EHMT1: variants seen among roughly 807,000 people sequenced by gnomAD.
EHMT1 encodes the protein histone-lysine N-methyltransferase EHMT1.
In EHMT1, 15 loss-of-function variants were observed where a neutral mutation model predicts 147.2. The observed-to-expected ratio is 0.10, with a 90% CI of 0.07 to 0.16. The LOEUF (loss-of-function observed/expected upper bound fraction) is 0.16, where lower values mean the gene tolerates loss of function less well. Among genes scored for constraint, EHMT1 ranks in the 10% least tolerant of loss-of-function variants. The pLI is 1.00. For synonymous variants in EHMT1, 795 were observed against 709.6 expected (o/e 1.12, Z -1.91); for missense variants, 1,587 against 1,772.4 (o/e 0.90, Z 1.88).
intron 1 of EHMT1, among the ~76,000 whole-genome samples, chr9:137,646,741 G>A (rs1036778755): frequency 6.6e-6 from 1 of 152,228 alleles, no homozygotes; most frequent in Non-Finnish European, 1.5e-5. Flanking sequence ...ATCTTGTAAC[G>A]TTGGATGTCT....
intron 23 of EHMT1, 188 bp from the exon 24 acceptor site, chr9:137,817,251 C>T (rs1954991621): frequency 2.9e-6 from 2 of 680,942 alleles, no homozygotes; most frequent in East Asian, 2.8e-5. Flanking sequence ...CTGGCTGATC[C>T]CCGGGTTCTT....
intron 22 of EHMT1, 40 bp from the exon 23 acceptor site, chr9:137,815,907 A>C (rs1208308103): frequency 6.6e-7 from 1 of 1,505,128 alleles, no homozygotes; most frequent in Non-Finnish European, 9.1e-7. Context: ...TTAAAGAGTG[A>C]GTAACCTCTG....
intron 1 of EHMT1, among the ~76,000 whole-genome samples, chr9:137,668,793 T>G (rs1268010121): frequency 1.3e-5 from 2 of 152,174 alleles, no homozygotes; most frequent in South Asian, 2.1e-4. Flanking sequence ...CGAGTTTTTG[T>G]GTGGACCTGG....
chr9:137,646,892 G>A (rs1305740084), intron 1 of EHMT1, among the ~76,000 whole-genome samples: 3 of 151,948 alleles, frequency 2.0e-5, no homozygotes, highest in Non-Finnish European at 4.4e-5. Context: ...CAGTCCCCAC[G>A]TGGCTGAGCC....
At chr9:137,817,865 G>C (rs2132803774) in intron 24 of EHMT1, 195 bp from the exon 25 acceptor site, 1 of 649,166 alleles carries the variant, frequency 1.5e-6, no homozygotes, top group South Asian at 1.8e-5. Context: ...AGAGCTTTCG[G>C]TATCGTTATC....
At chr9:137,635,549 G>C (rs62590244) in intron 1 of EHMT1, among the ~76,000 whole-genome samples, 220 of 150,928 alleles carry the variant, frequency 1.5e-3, no homozygotes, top group Non-Finnish European at 2.6e-3. Context: ...AGCTGGGCGC[G>C]GTGGCTCACG....
At chr9:137,672,277 ATTG>A (rs950662479) in intron 1 of EHMT1, among the ~76,000 whole-genome samples, 8 of 152,188 alleles carry the variant, frequency 5.3e-5, no homozygotes, top group African/African-American at 1.9e-4. Flanking sequence ...TAGTAGGTTT[ATTG>A]TTATTTGTAC....
At chr9:137,677,257 C>T (rs1249624660) in intron 1 of EHMT1, among the ~76,000 whole-genome samples, 1 of 152,052 alleles carries the variant, frequency 6.6e-6, no homozygotes, top group Admixed American at 6.5e-5. Flanking sequence ...TCTCAGTCTC[C>T]CAAGTAGCTG....
intron 2 of EHMT1, among the ~76,000 whole-genome samples, chr9:137,711,397 G>A (rs903219301): frequency 5.3e-5 from 8 of 152,310 alleles, no homozygotes; most frequent in East Asian, 1.9e-4. Flanking sequence ...TAAACAGATC[G>A]TGGTACATCC....
At chr9:137,713,263 A>ATTTTTTT (rs59459382) in intron 2 of EHMT1, among the ~76,000 whole-genome samples, 7 of 102,352 alleles carry the variant, frequency 6.8e-5, no homozygotes, top group Non-Finnish European at 1.0e-4. Flanking sequence ...CACCATGCTA[A>ATTTTTTT]TTTTTTTTTT....
At chr9:137,833,649 C>T (rs1956379271) in intron 25 of EHMT1, among the ~76,000 whole-genome samples, 1 of 152,256 alleles carries the variant, frequency 6.6e-6, no homozygotes, top group Non-Finnish European at 1.5e-5. Context: ...AATCCATCAT[C>T]ACAGGCCAGT....
chr9:137,745,218 C>T (rs539982523), intron 6 of EHMT1, among the ~76,000 whole-genome samples: 2 of 152,252 alleles, frequency 1.3e-5, no homozygotes, highest in Admixed American at 1.3e-4. Context: ...TGTGCTATGG[C>T]GTATCCCTGA....
At chr9:137,634,132 G>A (rs1453505315) in intron 1 of EHMT1, among the ~76,000 whole-genome samples, 3 of 152,086 alleles carry the variant, frequency 2.0e-5, no homozygotes. Context: ...TTTTCTTGAT[G>A]CCTTCCTTTG....
At chr9:137,666,799 C>T (rs1042247716) in intron 1 of EHMT1, among the ~76,000 whole-genome samples, 5 of 152,206 alleles carry the variant, frequency 3.3e-5, no homozygotes, top group Non-Finnish European at 5.9e-5. Flanking sequence ...AGAGTCTCCA[C>T]TTGGATTTTC....
intron 1 of EHMT1, among the ~76,000 whole-genome samples, chr9:137,656,966 CT>C (rs758096777): frequency 6.6e-6 from 1 of 152,118 alleles, no homozygotes; most frequent in Non-Finnish European, 1.5e-5. Context: ...GTCTTGAACT[CT>C]TGGCCTTAAG....
intron 15 of EHMT1, chr9:137,784,392 T>C: frequency 8.0e-7 from 1 of 1,245,134 alleles, no homozygotes; most frequent in Non-Finnish European, 1.0e-6. Context: ...ATTCAGACCA[T>C]AGTGCCAGCC....
intron 25 of EHMT1, among the ~76,000 whole-genome samples, chr9:137,830,499 C>A (rs184657072): frequency 1.3e-5 from 2 of 152,268 alleles, no homozygotes; most frequent in East Asian, 1.9e-4. Flanking sequence ...TTTTATCCAA[C>A]TTCTTTGATT....
At position 137,684,712 on chromosome 9, in the gene EHMT1, C is replaced by T. The variant is rs187134672; in HGVS notation, c.22-26255C>T. Among the ~76,000 whole-genome samples, 7 of 152,168 alleles carry T rather than the reference C, an allele frequency of 4.6e-5. No individual in the cohort carries two copies. The East Asian group carries it at 5.8e-4, about 13-fold the overall frequency. ...TTTACCACTTTGCCCAGGCTGCTCT[C>T]GAACTCCTGAGCTCAGGCGATCTCC... is the stretch of plus-strand genomic sequence containing the variant. On this transcript the variant is annotated intron_variant, in intron 1 of 26. Coordinates refer to ENST00000460843, the MANE Select transcript of EHMT1 (RefSeq NM_024757.5).
rs138480352 is a variant in EHMT1 at position 137,623,006 on chromosome 9, C to T, written c.21+3957C>T. The stretch of plus-strand genomic sequence containing the variant: ...TGGGTGGATCACGAGGTCAGGAGAT[C>T]GAGACCATCCTGGCTAACACACAGT... On this transcript the variant is annotated intron_variant, in intron 1 of 26. Coordinates refer to ENST00000460843, the MANE Select transcript of EHMT1 (RefSeq NM_024757.5). Among the ~76,000 whole-genome samples, 1,468 of 151,282 alleles carry T rather than the reference C, an allele frequency of 9.7e-3. 10 individuals are homozygous for T. The highest frequency in any genetic ancestry group is 0.016 in the Non-Finnish European group (1,056 of 67,884).
Sources: allele counts gnomAD v4.1 joint callset (sites outside exome capture counted in the v4.1 genomes callset), GRCh38; gene constraint gnomAD v4.1.1; transcripts MANE v1.5; gene names NCBI Gene and HGNC (gene_info 2026-07-23, HGNC 2026-07-21).